TMC3: variants seen among roughly 807,000 people sequenced by gnomAD.
TMC3 encodes transmembrane channel-like protein 3.
In TMC3, 98 loss-of-function variants were observed where a neutral mutation model predicts 110.6. That is an observed-to-expected ratio of 0.89 (90% CI 0.75 to 1.05). The LOEUF is 1.05. Among genes scored for constraint, TMC3 ranks in the 50% least tolerant of loss-of-function variants. The pLI, the probability that TMC3 is intolerant of heterozygous loss-of-function variation, is 0.00. For missense variants in TMC3, 1,319 were observed against 1,373.2 expected, an observed-to-expected ratio of 0.96 and a Z score of 0.62; for synonymous variants, 489 against 513.1, an observed-to-expected ratio of 0.95 and a Z score of 0.63.
chr15:81,368,275 C>A lies in TMC3; in HGVS notation c.290G>T (p.Gly97Val), dbSNP rs756221735. The change falls in exon 3 of 22, where the codon GGC becomes GTC. Residue 97 changes from glycine (G) to valine (V), a missense_variant. Gly to Val is a moderately radical substitution (Grantham distance 109). Transcript: ENST00000359440. ...KFEGRLTRTR[G>V]YQAAGAELWR... ...TACCTCTGCACCTGCTGCTTGGTAGCCTCGGGTCCTGGTCAGCCTCCCTTC... is the reference window on the plus strand; with the variant it reads ...TACCTCTGCACCTGCTGCTTGGTAGACTCGGGTCCTGGTCAGCCTCCCTTC... 1 of 1,613,718 alleles carries A rather than the reference C, an allele frequency of 6.2e-7. No individual in the cohort carries two copies. The highest frequency in any genetic ancestry group is 8.5e-7 in the Non-Finnish European group (1 of 1,179,760).
At chr15:81,363,438 G>T (rs1367791862) in intron 3 of TMC3, among the ~76,000 whole-genome samples, 1 of 152,226 alleles carries the variant, frequency 6.6e-6, no homozygotes, top group Non-Finnish European at 1.5e-5. Flanking sequence ...TATCATTGCA[G>T]AAAGAGGGAT....
At chr15:81,360,096 T>C (rs982942483) in intron 4 of TMC3, among the ~76,000 whole-genome samples, 1 of 152,100 alleles carries the variant, frequency 6.6e-6, no homozygotes, top group Non-Finnish European at 1.5e-5. Flanking sequence ...TAGGTAGTTT[T>C]ATGTCATTAA....
At chr15:81,347,478 G>A (rs971820304) in intron 11 of TMC3, among the ~76,000 whole-genome samples, 8 of 152,162 alleles carry the variant, frequency 5.3e-5, no homozygotes, top group African/African-American at 1.4e-4. Flanking sequence ...CGGGATTCCC[G>A]TGGGCACAGT....
At chr15:81,335,036 A>C (rs1301231801) in intron 20 of TMC3, 61 bp from the exon 21 acceptor site, 2 of 1,580,232 alleles carry the variant, frequency 1.3e-6, no homozygotes, top group Admixed American at 3.5e-5. Context: ...ACAACTTCAG[A>C]TGAGTTGAGT....
At position 81,349,244 on chromosome 15, in the gene TMC3, GTCC is replaced by G. The variant is rs574512424; in HGVS notation, c.1193+211_1193+213del. Among the ~76,000 whole-genome samples the G allele has an allele frequency of 2.0e-3, 308 of 151,094 alleles. 2 individuals are homozygous for G. The highest frequency in any genetic ancestry group is 0.018 in the Admixed American group (268 of 15,152). ...CTTTTCTTCTACCCTTGTCATCCTGGTCCTCCTCCTCCCTTCCTCCTCCTCTTC... is the reference window on the plus strand; with the variant it reads ...CTTTTCTTCTACCCTTGTCATCCTGGTCCTCCTCCCTTCCTCCTCCTCTTC... On this transcript the variant is annotated intron_variant, in intron 11 of 21. Transcript: ENST00000359440.
rs560112819 is a variant in TMC3, at chr15:81,368,253, C to T, written c.312G>A (p.Glu104=). Reference sequence around the variant, plus strand: ...CAGCCACATGTGTGTTCTGTATTACCTCTGCACCTGCTGCTTGGTAGCCTC... The same window carrying T: ...CAGCCACATGTGTGTTCTGTATTACTTCTGCACCTGCTGCTTGGTAGCCTC... ...RTRGYQAAGA[E]LWRKFARLAC... Residue 104 remains glutamate, a splice_region_variant and synonymous_variant, in exon 3 of 22, where the codon GAG becomes GAA. Transcript: ENST00000359440. The T allele has an allele frequency of 1.9e-6, 3 of 1,613,052 alleles. No homozygotes were observed. Among genetic ancestry groups the T allele is most frequent in the South Asian group, 2.2e-5 (2 of 91,062 alleles).
Position 81,362,310 on chromosome 15 carries a change from G to T in TMC3, c.313-9C>A. 1 of 1,608,388 alleles carries T rather than the reference G, an allele frequency of 6.2e-7. No homozygotes were observed. The highest frequency in any genetic ancestry group is 2.2e-5 in the East Asian group (1 of 44,740). On this transcript the variant is annotated splice_polypyrimidine_tract_variant and intron_variant, in intron 3 of 21. Transcript: ENST00000359440. ...GCAAATTTCCGCCAGAGCTAGACAA[G>T]AGGGGTCAGGATTAGAGAGGTCACG...
At chr15:81,362,153 T>A in intron 4 of TMC3, 67 bp downstream of exon 4, 1 of 1,392,600 alleles carries the variant, frequency 7.2e-7, no homozygotes, top group South Asian at 1.3e-5. Context: ...CACAGCAGAC[T>A]CTCCTTAGGC....
chr15:81,346,807 A>T (rs1269181726), intron 11 of TMC3, among the ~76,000 whole-genome samples: 1 of 152,220 alleles, frequency 6.6e-6, no homozygotes. Flanking sequence ...CCCATGCATT[A>T]TCTCATTTGA....
rs1894464519 is a variant in TMC3 at position 81,372,728 on chromosome 15, A to C, written c.99T>G (p.Asp33Glu). The C allele has an allele frequency of 6.2e-7, 1 of 1,613,868 alleles. No homozygotes were observed. Residue 33 changes from aspartate to glutamate, a missense_variant, in exon 2 of 22, where the codon GAT becomes GAG. Asp to Glu is a conservative substitution (Grantham distance 45). Transcript: ENST00000359440. ...CTGTTTCATCAGCACTAAAGCTGTCATCCAAGTTGCTGAATGATCAGGGCA... is the reference window on the plus strand; with the variant it reads ...CTGTTTCATCAGCACTAAAGCTGTCCTCCAAGTTGCTGAATGATCAGGGCA... ...YQESLLLSNL[D>E]DSFSADETGD...
rs1392093299 is a variant in TMC3 at position 81,358,164 on chromosome 15, A to G, written c.728T>C (p.Ile243Thr). 6.2e-7 allele frequency: 1 copy of G among 1,600,510 alleles called. No individual in the cohort carries two copies. The highest frequency in any genetic ancestry group is 8.5e-7 in the Non-Finnish European group (1 of 1,175,070). ...VGMAVFAYSF[I>T]ILLKKMAKNS... ...GCAGTCATACTTTTTTAAAAGAATG[A>G]TGAAGCTGTAAGCAAACACTGCCAT... Residue 243 changes from isoleucine to threonine, a missense_variant, in exon 7 of 22, where the codon ATC becomes ACC. Coordinates refer to ENST00000359440, the MANE Select transcript of TMC3 (RefSeq NM_001080532.3).
intron 14 of TMC3, among the ~76,000 whole-genome samples, chr15:81,343,715 G>T (rs1596082173): frequency 6.7e-6 from 1 of 149,130 alleles, no homozygotes; most frequent in East Asian, 2.0e-4. Flanking sequence ...GCTTGAGCAA[G>T]ACCCTGTCTC....
chr15:81,336,900 C>A (rs1382473396), intron 19 of TMC3, among the ~76,000 whole-genome samples: 1 of 152,046 alleles, frequency 6.6e-6, no homozygotes. Flanking sequence ...AATTAACAGA[C>A]CATGTTTAGA....
chr15:81,356,671 T>C (rs1894070820), intron 7 of TMC3, 77 bp from the exon 8 acceptor site: 1 of 1,480,184 alleles, frequency 6.8e-7, no homozygotes, highest in African/African-American at 1.4e-5. Context: ...GGAGCCTTTG[T>C]GTGAATTAGC....
chr15:81,362,054 G>GT (rs1596093352), intron 4 of TMC3, 166 bp downstream of exon 4: 1 of 560,208 alleles, frequency 1.8e-6, no homozygotes, highest in East Asian at 3.2e-5. Flanking sequence ...GTGGGGGCAG[G>GT]TATCTTGTCT....
chr15:81,356,857 C>G (rs1388338395), intron 7 of TMC3, among the ~76,000 whole-genome samples: 2 of 152,198 alleles, frequency 1.3e-5, no homozygotes, highest in African/African-American at 4.8e-5. Context: ...CACTGTGGTG[C>G]CCAGCAGGTC....
chr15:81,372,394 ACACAC>A (rs1894456266), intron 2 of TMC3, among the ~76,000 whole-genome samples, 192 bp downstream of exon 2: 1 of 144,978 alleles, frequency 6.9e-6, no homozygotes, highest in Admixed American at 6.7e-5. Context: ...ACACACACAC[ACACAC>A]ACACACACAG....
intron 14 of TMC3, 147 bp downstream of exon 14, chr15:81,343,770 G>T (rs186079596): frequency 5.4e-5 from 42 of 779,622 alleles, no homozygotes; most frequent in Admixed American, 1.4e-4. Flanking sequence ...GGAAGTAGAA[G>T]CTCAGCTTTC....
Position 81,359,447 on chromosome 15 carries a change from G to A in TMC3, c.419C>T (p.Ser140Phe), listed in dbSNP as rs1240971374. 1.2e-6 allele frequency: 2 copies of A among 1,600,836 alleles called. No individual in the cohort carries two copies. The highest frequency in any genetic ancestry group is 1.7e-6 in the Non-Finnish European group (2 of 1,174,582). Residue 140 changes from serine to phenylalanine, a missense_variant, in exon 5 of 22, where the codon TCC becomes TTC. Physicochemically the swap from Ser to Phe is radical, Grantham distance 155. Transcript: ENST00000359440. ...IESHFGSGVA[S>F]YFIFLRWLFG... ...TAACCATCTCAAGAATATGAAATAG[G>A]AGGCAACGCCAGATCCAAAATGACC...
Sources: gnomAD v4.1 joint callset for allele counts (sites outside exome capture counted in the v4.1 genomes callset) on GRCh38, gnomAD v4.1.1 for gene constraint, MANE v1.5 for transcripts, NCBI Gene and HGNC (gene_info 2026-07-23, HGNC 2026-07-21) for gene names.